Variants in PDE3B observed in about 807,000 individuals in gnomAD.
PDE3B encodes cGMP-inhibited 3',5'-cyclic phosphodiesterase 3B.
In PDE3B, 66 loss-of-function variants were observed where a neutral mutation model predicts 116.8. The observed-to-expected ratio is 0.56, with a 90% CI of 0.46 to 0.69. PDE3B has a LOEUF of 0.69. Ranked by LOEUF, PDE3B falls within the 30% of genes least tolerant of loss-of-function variation. The probability of loss-of-function intolerance (pLI) is 0.00; values close to 1 mark genes in which losing one functional copy is unlikely to be tolerated. For synonymous variants in PDE3B, 595 were observed against 533.6 expected, an observed-to-expected ratio of 1.12 and a Z score of -1.59; for missense variants, 1,384 against 1,368.1, an observed-to-expected ratio of 1.01 and a Z score of -0.18.
At position 14,869,951 on chromosome 11, in the gene PDE3B, C is replaced by A; in HGVS notation, c.*291C>A. Reference sequence around the variant, plus strand: ...GTATGAATACTTTGTCATAATGCTGCTTTGCTGGGTAGTGAGCTCTTATTT... The same window carrying A: ...GTATGAATACTTTGTCATAATGCTGATTTGCTGGGTAGTGAGCTCTTATTT... On this transcript the variant is annotated 3_prime_UTR_variant, in exon 16 of 16. Transcript: ENST00000282096. 1 of 231,472 alleles carries A rather than the reference C, an allele frequency of 4.3e-6. No individual in the cohort carries two copies. Among genetic ancestry groups the A allele is most frequent in the South Asian group, 1.4e-4 (1 of 7,362 alleles). The allele number at this position is 231,472 out of a possible 1,614,324, so 14.3% of individuals were successfully genotyped here.
At chr11:14,739,344 T>C (rs894902801) in intron 1 of PDE3B, among the ~76,000 whole-genome samples, 1 of 152,216 alleles carries the variant, frequency 6.6e-6, no homozygotes, top group African/African-American at 2.4e-5. Flanking sequence ...GATTCCTAGG[T>C]ATTTTATTCT....
intron 1 of PDE3B, among the ~76,000 whole-genome samples, chr11:14,658,819 G>T (rs1011303826): frequency 6.6e-6 from 1 of 152,228 alleles, no homozygotes; most frequent in East Asian, 1.9e-4. Flanking sequence ...TCATATTTGG[G>T]TTGATAGGCC....
chr11:14,663,640 C>A lies in PDE3B; in HGVS notation c.978+18587C>A, dbSNP rs1854015773. ...CAATCCTAGTCTCTGATAAAACAGA[C>A]TTTAAACCAACAAAGATCAAAAGAG... On this transcript the variant is annotated intron_variant, in intron 1 of 15. Transcript: ENST00000282096. Among the ~76,000 whole-genome samples the A allele has an allele frequency of 2.6e-5, 4 of 152,246 alleles. No homozygotes were observed. The South Asian group carries it at 8.3e-4, about 32-fold the overall frequency.
intron 11 of PDE3B, among the ~76,000 whole-genome samples, chr11:14,836,738 A>G (rs1480993341): frequency 6.6e-6 from 1 of 152,224 alleles, no homozygotes; most frequent in East Asian, 1.9e-4. Flanking sequence ...TTTCTCCTAT[A>G]TACTCTAGAG....
At chr11:14,758,972 C>T (rs1857274012) in intron 1 of PDE3B, among the ~76,000 whole-genome samples, 1 of 151,942 alleles carries the variant, frequency 6.6e-6, no homozygotes, top group African/African-American at 2.4e-5. Context: ...GAGTTTTTAG[C>T]ATGAAGGGTT....
intron 2 of PDE3B, among the ~76,000 whole-genome samples, chr11:14,779,467 C>T (rs918498204): frequency 3.3e-5 from 5 of 152,350 alleles, no homozygotes; most frequent in African/African-American, 1.2e-4. Context: ...AACAGCGGAT[C>T]TCTCGGCAGA....
rs1237106270 is a variant in PDE3B, at chr11:14,871,378, C to A, written c.*1718C>A. The A allele has an allele frequency of 6.6e-6, 1 of 152,116 alleles. No homozygotes were observed. Among genetic ancestry groups the A allele is most frequent in the Non-Finnish European group, 1.5e-5 (1 of 68,000 alleles). The allele number at this position is 152,116 out of a possible 1,614,324, so 9.4% of individuals were successfully genotyped here. On this transcript the variant is annotated 3_prime_UTR_variant, in exon 16 of 16. Transcript: ENST00000282096. ...TTTTGACTGATAATTTATATTTGCACTTACAATATATATATCCTGTCCTTA... is the reference window on the plus strand; with the variant it reads ...TTTTGACTGATAATTTATATTTGCAATTACAATATATATATCCTGTCCTTA...
At chr11:14,694,218 A>G (rs1433234253) in intron 1 of PDE3B, among the ~76,000 whole-genome samples, 1 of 152,224 alleles carries the variant, frequency 6.6e-6, no homozygotes, top group Non-Finnish European at 1.5e-5. Context: ...TGCTGTGAAC[A>G]TTGTTGAAAT....
the PDE3B span, chr11:14,880,276 C>T: frequency 1.2e-6 from 2 of 1,613,106 alleles, no homozygotes; most frequent in Non-Finnish European, 1.7e-6. Context: ...GTCATTTTTA[C>T]CTTGATCCAT....
chr11:14,719,026 A>C (rs1220260888), intron 1 of PDE3B, among the ~76,000 whole-genome samples: 1 of 117,434 alleles, frequency 8.5e-6, no homozygotes. Flanking sequence ...GACTGCTAGC[A>C]AGACTAATAA....
chr11:14,670,902 T>C (rs1479723401), intron 1 of PDE3B, among the ~76,000 whole-genome samples: 3 of 151,514 alleles, frequency 2.0e-5, no homozygotes, highest in Non-Finnish European at 2.9e-5. Flanking sequence ...AGAGACAGAG[T>C]CTCACCATGT....
At chr11:14,791,543 T>G (rs1013900000) in intron 4 of PDE3B, among the ~76,000 whole-genome samples, 3 of 152,174 alleles carry the variant, frequency 2.0e-5, no homozygotes, top group Non-Finnish European at 2.9e-5. Flanking sequence ...AGATAACAGT[T>G]GTCAGATATC....
intron 1 of PDE3B, among the ~76,000 whole-genome samples, chr11:14,648,471 A>G (rs560575395): frequency 6.6e-6 from 1 of 152,238 alleles, no homozygotes; most frequent in South Asian, 2.1e-4. Context: ...CTTTAAGAAT[A>G]CTGTAGTATT....
At chr11:14,760,039 G>A (rs533845029) in intron 1 of PDE3B, among the ~76,000 whole-genome samples, 2 of 151,980 alleles carry the variant, frequency 1.3e-5, no homozygotes, top group Middle Eastern at 3.4e-3. Context: ...AAAATAAATT[G>A]TGAGTATTGC....
At chr11:14,681,303 A>C (rs1444887794) in intron 1 of PDE3B, among the ~76,000 whole-genome samples, 1 of 152,132 alleles carries the variant, frequency 6.6e-6, no homozygotes, top group Non-Finnish European at 1.5e-5. Flanking sequence ...TTCCCACCCA[A>C]ATCTCATCTT....
At chr11:14,732,748 A>C (rs913948393) in intron 1 of PDE3B, among the ~76,000 whole-genome samples, 2 of 152,206 alleles carry the variant, frequency 1.3e-5, no homozygotes, top group Non-Finnish European at 2.9e-5. Context: ...CCACGTATAC[A>C]AGTTTCACAT....
chr11:14,806,611 GC>G (rs1476490204), intron 5 of PDE3B, among the ~76,000 whole-genome samples: 1 of 151,890 alleles, frequency 6.6e-6, no homozygotes, highest in Non-Finnish European at 1.5e-5. Context: ...TGTAATCCCA[GC>G]ACTTTGGGAG....
At position 14,714,565 on chromosome 11, in the gene PDE3B, A is replaced by G. The variant is rs537550308; in HGVS notation, c.979-57372A>G. ...AAAAAAAAAAAAAAAAAAAAGAAAT[A>G]CATGTTTTATACCCTCAGATTTAAT... is the stretch of plus-strand genomic sequence containing the variant. On this transcript the variant is annotated intron_variant, in intron 1 of 15. Transcript: ENST00000282096. 6.0e-5 allele frequency among the ~76,000 whole-genome samples: 9 copies of G among 150,996 alleles called. No individual in the cohort carries two copies. The South Asian group carries it at 1.7e-3, about 28-fold the overall frequency.
At chr11:14,774,533 C>G (rs1381774477) in intron 2 of PDE3B, 1 of 152,200 alleles carries the variant, frequency 6.6e-6, no homozygotes, top group African/African-American at 2.4e-5. Context: ...CTACCTTTTG[C>G]CGTCCCCAGT....
Sources: allele counts gnomAD v4.1 joint callset (sites outside exome capture counted in the v4.1 genomes callset), GRCh38; gene constraint gnomAD v4.1.1; transcripts MANE v1.5; gene names NCBI Gene and HGNC (gene_info 2026-07-23, HGNC 2026-07-21).